Variants in ALOX5AP observed in about 807,000 individuals in gnomAD.
ALOX5AP encodes arachidonate 5-lipoxygenase activating protein, also known as arachidonate 5-lipoxygenase-activating protein.
A neutral mutation model predicts 18.5 loss-of-function variants in ALOX5AP; 9 were observed. That is an observed-to-expected ratio of 0.49 (90% CI 0.29 to 0.85). ALOX5AP has a LOEUF of 0.85. Among genes scored for constraint, ALOX5AP ranks in the 40% least tolerant of loss-of-function variants. The pLI is 0.08. For synonymous variants in ALOX5AP, 81 were observed against 78.6 expected (o/e 1.03, Z -0.16); for missense variants, 172 against 202.5 (o/e 0.85, Z 0.91).
In ALOX5AP at chr13:30,760,895, T is replaced by C. The variant is rs192602663; in HGVS notation, c.324-3049T>C. ...GAAACAATGAAAGATTAGTGAGTCT[T>C]CTGTGGTTGGTATAAAAAAAAAATA... is the stretch of plus-strand genomic sequence containing the variant. On this transcript the variant is annotated intron_variant, in intron 4 of 4. Coordinates refer to ENST00000380490, the MANE Select transcript of ALOX5AP (RefSeq NM_001629.4). 1.2e-4 allele frequency among the ~76,000 whole-genome samples: 18 copies of C among 152,226 alleles called. No homozygotes were observed. The East Asian group carries it at 3.3e-3, about 28-fold the overall frequency.
intron 1 of ALOX5AP, 149 bp downstream of exon 1, chr13:30,735,824 A>T (rs1593433652): frequency 9.8e-7 from 1 of 1,024,560 alleles, no homozygotes; most frequent in South Asian, 1.7e-5. Flanking sequence ...ATTTGAATGT[A>T]TAGGGTTGTG....
chr13:30,723,029 A>G (rs1192597692), intron 1 of ALOX5AP, among the ~76,000 whole-genome samples: 3 of 152,338 alleles, frequency 2.0e-5, no homozygotes, highest in African/African-American at 7.2e-5. Flanking sequence ...AGTCTCAGGT[A>G]TTCCTTTATA....
intron 1 of ALOX5AP, among the ~76,000 whole-genome samples, chr13:30,726,202 C>T (rs777036354): frequency 4.6e-5 from 7 of 152,168 alleles, no homozygotes; most frequent in East Asian, 1.9e-4. Flanking sequence ...GCCATCTCCT[C>T]GTGCCAGTGA....
upstream of ALOX5AP, among the ~76,000 whole-genome samples, chr13:30,731,253 G>T (rs1377377995): frequency 6.6e-6 from 1 of 152,160 alleles, no homozygotes; most frequent in African/African-American, 2.4e-5. Context: ...GGGAGCCCAG[G>T]TTCTGAAGAC....
chr13:30,763,020 TG>T (rs1951955471), intron 4 of ALOX5AP, among the ~76,000 whole-genome samples: 1 of 152,144 alleles, frequency 6.6e-6, no homozygotes, highest in South Asian at 2.1e-4. Context: ...TATTAAAACA[TG>T]TCTCCGCTAG....
chr13:30,752,255 G>A, intron 3 of ALOX5AP, 133 bp downstream of exon 3: 1 of 845,280 alleles, frequency 1.2e-6, no homozygotes, highest in Non-Finnish European at 1.9e-6. Flanking sequence ...AGAGGTGAGA[G>A]CCCTCGGGAG....
intron 3 of ALOX5AP, among the ~76,000 whole-genome samples, chr13:30,755,277 A>C (rs1473439867): frequency 6.6e-6 from 1 of 152,218 alleles, no homozygotes; most frequent in East Asian, 1.9e-4. Context: ...TTAGTTCAAG[A>C]AAGGTTAAAC....
chr13:30,762,381 G>A (rs1455631843), intron 4 of ALOX5AP, among the ~76,000 whole-genome samples: 6 of 152,130 alleles, frequency 3.9e-5, no homozygotes, highest in Admixed American at 3.9e-4. Context: ...CTGAGGTCAG[G>A]AGTTCGAGAC....
rs148667211 is a variant in ALOX5AP at position 30,740,176 on chromosome 13, C to T, written c.71-3884C>T. 4.3e-4 allele frequency among the ~76,000 whole-genome samples: 65 copies of T among 152,290 alleles called. No homozygotes were observed. In the East Asian group the frequency reaches 6.9e-3, roughly 16 times the overall value. ...GAAGCTGTTCCTGAGATCCGGGCAT[C>T]GACTCTGTTAGAATAATCTACGTAT... On this transcript the variant is annotated intron_variant, in intron 1 of 4. Transcript: ENST00000380490.
At chr13:30,740,278 TTA>T (rs1951752619) in intron 1 of ALOX5AP, among the ~76,000 whole-genome samples, 1 of 152,240 alleles carries the variant, frequency 6.6e-6, no homozygotes. Flanking sequence ...CAAGATCTCT[TTA>T]TGTTTGTTGA....
At chr13:30,715,745 C>T (rs905997308) in intron 1 of ALOX5AP, among the ~76,000 whole-genome samples, 1 of 152,200 alleles carries the variant, frequency 6.6e-6, no homozygotes, top group Non-Finnish European at 1.5e-5. Flanking sequence ...ATAGAGTTTC[C>T]TTTCATAACA....
chr13:30,733,086 G>A (rs2137799281), upstream of ALOX5AP, among the ~76,000 whole-genome samples: 1 of 151,398 alleles, frequency 6.6e-6, no homozygotes, highest in South Asian at 2.1e-4. Flanking sequence ...GTGAACCCGG[G>A]AGGCAGAGCT....
intron 3 of ALOX5AP, among the ~76,000 whole-genome samples, chr13:30,755,109 T>C (rs954927955): frequency 9.2e-5 from 14 of 151,410 alleles, no homozygotes; most frequent in Admixed American, 3.3e-4. Flanking sequence ...GCAGAGGGAA[T>C]CTCCTTCCCA....
At chr13:30,721,985 T>C (rs933331350) in intron 1 of ALOX5AP, among the ~76,000 whole-genome samples, 1 of 152,260 alleles carries the variant, frequency 6.6e-6, no homozygotes, top group Non-Finnish European at 1.5e-5. Context: ...GATAGTTGAC[T>C]ACCCAAAATG....
At chr13:30,739,867 C>T (rs1328610206) in intron 1 of ALOX5AP, among the ~76,000 whole-genome samples, 1 of 152,216 alleles carries the variant, frequency 6.6e-6, no homozygotes, top group East Asian at 1.9e-4. Context: ...TAGACACTTG[C>T]TCCATGCATA....
intron 1 of ALOX5AP, among the ~76,000 whole-genome samples, chr13:30,723,652 T>C (rs1391807288): frequency 6.6e-6 from 1 of 152,272 alleles, no homozygotes; most frequent in African/African-American, 2.4e-5. Flanking sequence ...GTTTGGTTAA[T>C]ATAAATTCCT....
chr13:30,747,507 T>G (rs1343140019), intron 2 of ALOX5AP, among the ~76,000 whole-genome samples: 2 of 152,180 alleles, frequency 1.3e-5, no homozygotes, highest in Admixed American at 6.5e-5. Context: ...TAATGTCCTA[T>G]TCCCAGCCAA....
At chr13:30,725,489 C>T (rs901463194) in intron 1 of ALOX5AP, among the ~76,000 whole-genome samples, 2 of 152,252 alleles carry the variant, frequency 1.3e-5, no homozygotes, top group Non-Finnish European at 1.5e-5. Flanking sequence ...AATTTCCACT[C>T]ATCAAGGCCA....
Position 30,764,375 on chromosome 13 carries a change from G to A in ALOX5AP, c.*269G>A. 1 of 365,998 alleles carries A rather than the reference G, an allele frequency of 2.7e-6. No homozygotes were observed. Among genetic ancestry groups the A allele is most frequent in the South Asian group, 6.7e-5 (1 of 14,858 alleles). The allele number at this position is 365,998 out of a possible 1,614,324, so 22.7% of individuals were successfully genotyped here. A position where few individuals can be genotyped will look rare whatever the true frequency, so the allele number is the denominator to read the frequency against. On this transcript the variant is annotated 3_prime_UTR_variant, in exon 5 of 5. Coordinates refer to ENST00000380490, the MANE Select transcript of ALOX5AP (RefSeq NM_001629.4). ...ATCCTGTTCTCTGAAGATGTTTTGT[G>A]ACCAGGTTTGTGTTTTCTTAAAATA...
Sources: gnomAD v4.1 joint callset for allele counts (sites outside exome capture counted in the v4.1 genomes callset) on GRCh38, gnomAD v4.1.1 for gene constraint, MANE v1.5 for transcripts, NCBI Gene and HGNC (gene_info 2026-07-23, HGNC 2026-07-21) for gene names.